Variants in POTEC observed in about 807,000 individuals in gnomAD.
The protein encoded by POTEC is ANKRD26-like family B member 2.
POTEC carries 35 observed loss-of-function variants against 62.0 expected under a neutral mutation model. That is an observed-to-expected ratio of 0.56 (90% confidence interval 0.43 to 0.75). The LOEUF is 0.75. Ranked by LOEUF, POTEC falls within the 30% of genes least tolerant of loss-of-function variation. The pLI, the probability that POTEC is intolerant of heterozygous loss-of-function variation, is 0.00. For missense variants in POTEC, 472 were observed against 655.9 expected, an observed-to-expected ratio of 0.72 and a Z score of 3.06; for synonymous variants, 156 against 221.5, an observed-to-expected ratio of 0.70 and a Z score of 2.62.
chr18:14,538,006 A>C (rs755443096), intron 2 of POTEC, 32 bp from the exon 3 acceptor site: 1 of 1,604,174 alleles, frequency 6.2e-7, no homozygotes, highest in South Asian at 1.1e-5. Context: ...CAAATTATTA[A>C]GTCCTAGGAA....
At chr18:14,514,550 G>T (rs1910098939) in intron 9 of POTEC, among the ~76,000 whole-genome samples, 1 of 152,162 alleles carries the variant, frequency 6.6e-6, no homozygotes, top group Non-Finnish European at 1.5e-5. Flanking sequence ...ATTCCCTTTG[G>T]AACAAGACAG....
rs570548562 is a variant in POTEC at position 14,508,730 on chromosome 18, A to T, written c.*3168T>A. On this transcript the variant is annotated 3_prime_UTR_variant, in exon 11 of 11. Coordinates refer to ENST00000358970, the MANE Select transcript of POTEC (RefSeq NM_001137671.2). ...GAACTCTGCTTGTATCATTTCAGAC[A>T]TCTCAGCCTCAGCCCAGTTCTGAAC... The T allele has an allele frequency of 5.9e-5, 9 of 152,708 alleles. No individual in the cohort carries two copies. Among genetic ancestry groups the T allele is most frequent in the African/African-American group, 1.7e-4 (7 of 41,544 alleles). 9.5% of individuals were successfully genotyped at this position (152,708 alleles called of 1,614,324 possible).
chr18:14,527,675 T>C (rs1598479716), intron 6 of POTEC: 1 of 152,212 alleles, frequency 6.6e-6, no homozygotes, highest in East Asian at 1.9e-4. Context: ...CCACTGCCAC[T>C]GAGAACATAA....
chr18:14,528,037 G>A (rs1312211266), intron 6 of POTEC: 1 of 152,126 alleles, frequency 6.6e-6, no homozygotes, highest in Non-Finnish European at 1.5e-5. Context: ...AGTTTTATAG[G>A]AGCTCAGTCA....
chr18:14,524,469 T>C (rs1426488197), intron 7 of POTEC, among the ~76,000 whole-genome samples: 2 of 152,152 alleles, frequency 1.3e-5, no homozygotes, highest in Non-Finnish European at 2.9e-5. Context: ...ACATTGTTCA[T>C]AGTTCTATTG....
In POTEC at chr18:14,543,185, A is replaced by G; in HGVS notation, c.-39T>C. Reference sequence around the variant, plus strand: ...CCCGGGGAGGCCGGTAGTAGCGAACAGATCGCGTCTACCAACCAGTTTCAC... The same window carrying G: ...CCCGGGGAGGCCGGTAGTAGCGAACGGATCGCGTCTACCAACCAGTTTCAC... On this transcript the variant is annotated 5_prime_UTR_variant, in exon 1 of 11. Transcript: ENST00000358970. The G allele has an allele frequency of 1.2e-6, 2 of 1,612,650 alleles. No individual in the cohort carries two copies. Among genetic ancestry groups the G allele is most frequent in the South Asian group, 1.1e-5 (1 of 90,950 alleles).
At chr18:14,520,930 A>G (rs1910291717) in intron 9 of POTEC, among the ~76,000 whole-genome samples, 1 of 152,160 alleles carries the variant, frequency 6.6e-6, no homozygotes, top group Non-Finnish European at 1.5e-5. Flanking sequence ...AGCTGTGATC[A>G]CACAATTGCA....
intron 9 of POTEC, among the ~76,000 whole-genome samples, chr18:14,518,231 C>G (rs1486486276): frequency 6.6e-6 from 1 of 151,880 alleles, no homozygotes; most frequent in Admixed American, 6.6e-5. Flanking sequence ...AATAAAAACC[C>G]TATTCATGAG....
intron 6 of POTEC, among the ~76,000 whole-genome samples, chr18:14,526,882 C>T (rs45444893): frequency 0.15 from 23,348 of 151,990 alleles, 2,234 homozygotes; most frequent in East Asian, 0.44. Flanking sequence ...TCCTAGTGAG[C>T]CATTATTCAT....
intron 9 of POTEC, among the ~76,000 whole-genome samples, chr18:14,515,597 A>T (rs1202448964): frequency 1.3e-5 from 2 of 152,128 alleles, no homozygotes; most frequent in Non-Finnish European, 2.9e-5. Flanking sequence ...AGCCTAGGCA[A>T]ATAATTTATG....
chr18:14,540,760 C>G (rs1356029435), intron 1 of POTEC, among the ~76,000 whole-genome samples: 5 of 152,210 alleles, frequency 3.3e-5, no homozygotes, highest in Non-Finnish European at 7.3e-5. Context: ...TTCTTACCAT[C>G]AAAGTGTCTA....
chr18:14,523,903 T>A (rs533374461), intron 7 of POTEC, among the ~76,000 whole-genome samples: 1 of 152,220 alleles, frequency 6.6e-6, no homozygotes, highest in Non-Finnish European at 1.5e-5. Context: ...CTTCCTCACT[T>A]GAAAAGAGCG....
chr18:14,525,170 T>A (rs2143134286), intron 6 of POTEC, among the ~76,000 whole-genome samples, 187 bp from the exon 7 acceptor site: 1 of 152,042 alleles, frequency 6.6e-6, no homozygotes, highest in African/African-American at 2.4e-5. Context: ...GGGAGACACC[T>A]GATGTGATTC....
At chr18:14,519,208 G>T (rs193178162) in intron 9 of POTEC, among the ~76,000 whole-genome samples, 1 of 152,190 alleles carries the variant, frequency 6.6e-6, no homozygotes, top group Admixed American at 6.5e-5. Context: ...GCAACTGGAA[G>T]AGTTGCCCTT....
At chr18:14,531,219 C>T (rs1181771171) in intron 5 of POTEC, among the ~76,000 whole-genome samples, 1 of 151,540 alleles carries the variant, frequency 6.6e-6, no homozygotes, top group East Asian at 2.0e-4. Context: ...TTTCATAAAT[C>T]TCTCATTAAA....
intron 5 of POTEC, among the ~76,000 whole-genome samples, chr18:14,532,014 G>A (rs1286642046): frequency 1.4e-4 from 21 of 151,436 alleles, no homozygotes; most frequent in Admixed American, 1.4e-3. Flanking sequence ...CCACAGCTGG[G>A]AGCCACTGCT....
intron 5 of POTEC, 130 bp from the exon 6 acceptor site, chr18:14,530,683 C>T: frequency 1.1e-6 from 1 of 918,546 alleles, no homozygotes; most frequent in Non-Finnish European, 1.5e-6. Flanking sequence ...TTATCCCATA[C>T]ACTTATGAGT....
intron 9 of POTEC, among the ~76,000 whole-genome samples, chr18:14,519,067 T>C (rs527825500): frequency 1.3e-5 from 2 of 152,142 alleles, no homozygotes; most frequent in Non-Finnish European, 2.9e-5. Flanking sequence ...GTGGCTCAGA[T>C]GTATGAGATA....
At chr18:14,530,836 T>A (rs544205186) in intron 5 of POTEC, among the ~76,000 whole-genome samples, 23 of 152,298 alleles carry the variant, frequency 1.5e-4, no homozygotes, top group African/African-American at 5.1e-4. Flanking sequence ...TCTGCATAAG[T>A]CCTAGCTCCA....
Sources: allele counts gnomAD v4.1 joint callset (sites outside exome capture counted in the v4.1 genomes callset), GRCh38; gene constraint gnomAD v4.1.1; transcripts MANE v1.5; gene names NCBI Gene and HGNC (gene_info 2026-07-23, HGNC 2026-07-21).